Variants in GLIS3 observed in about 807,000 individuals in gnomAD.
GLIS3 encodes the protein zinc finger protein GLIS3.
A neutral mutation model predicts 78.6 loss-of-function variants in GLIS3; 53 were observed. The observed-to-expected ratio is 0.67, with a 90% CI of 0.54 to 0.85. The LOEUF is 0.85. GLIS3 is among the 40% of genes least tolerant of loss of function. The pLI is 0.00. For synonymous variants in GLIS3, 684 were observed against 509.9 expected, an observed-to-expected ratio of 1.34 and a Z score of -4.60; for missense variants, 1,703 against 1,231.1, an observed-to-expected ratio of 1.38 and a Z score of -5.74.
At chr9:4,133,825 TACACACACACACACACACACACAC>T (rs138728219) in intron 2 of GLIS3, among the ~76,000 whole-genome samples, 18 of 121,736 alleles carry the variant, frequency 1.5e-4, no homozygotes, top group Admixed American at 6.6e-4. Context: ...CAAGACCTTC[TACACACACACACACACACACACAC>T]ACACACACAC....
intron 2 of GLIS3, among the ~76,000 whole-genome samples, chr9:4,162,978 A>G (rs576239197): frequency 2.0e-5 from 3 of 151,774 alleles, no homozygotes; most frequent in Non-Finnish European, 4.4e-5. Context: ...CTCTGGACCC[A>G]GCTCCCTAAG....
the GLIS3 span, among the ~76,000 whole-genome samples, chr9:4,424,210 A>G: frequency 6.6e-6 from 1 of 152,182 alleles, no homozygotes; most frequent in Admixed American, 6.5e-5. Context: ...TGGACTTAAA[A>G]TCAGTTGATG....
At chr9:4,020,288 G>GTTTGTTTTGTTTTT (rs1385183671) in intron 4 of GLIS3, among the ~76,000 whole-genome samples, 1 of 152,088 alleles carries the variant, frequency 6.6e-6, no homozygotes, top group Non-Finnish European at 1.5e-5. Context: ...GGAAAGTTCT[G>GTTTGTTTTGTTTTT]TTTGTTTTGT....
chr9:4,341,111 G>C (rs1817828250), intron 2 of GLIS3, among the ~76,000 whole-genome samples: 1 of 152,198 alleles, frequency 6.6e-6, no homozygotes. Flanking sequence ...GGTATGCTTA[G>C]AACTTATGTG....
chr9:4,464,033 A>C, the GLIS3 span, among the ~76,000 whole-genome samples: 1 of 152,224 alleles, frequency 6.6e-6, no homozygotes, highest in Non-Finnish European at 1.5e-5. Flanking sequence ...GTGGGTCCTA[A>C]AGTGTAGAAC....
the GLIS3 span, among the ~76,000 whole-genome samples, chr9:4,464,919 A>G: frequency 6.6e-6 from 1 of 152,234 alleles, no homozygotes; most frequent in African/African-American, 2.4e-5. Context: ...AAATGGTATT[A>G]AGATAAAACA....
At chr9:4,485,272 C>T in the GLIS3 span, among the ~76,000 whole-genome samples, 2 of 152,130 alleles carry the variant, frequency 1.3e-5, no homozygotes, top group Non-Finnish European at 2.9e-5. Flanking sequence ...TCCTCGGCCT[C>T]CCAAAGTGCT....
At chr9:4,150,356 A>T (rs1436951926) in intron 2 of GLIS3, among the ~76,000 whole-genome samples, 1 of 152,164 alleles carries the variant, frequency 6.6e-6, no homozygotes, top group South Asian at 2.1e-4. Flanking sequence ...CATAAGGAGG[A>T]GGAAAACGTA....
chr9:4,439,122 C>T, the GLIS3 span, among the ~76,000 whole-genome samples: 1 of 152,154 alleles, frequency 6.6e-6, no homozygotes, highest in Non-Finnish European at 1.5e-5. Context: ...TCTCTCTGTG[C>T]TGCATGCTGA....
chr9:4,474,332 C>A, the GLIS3 span, among the ~76,000 whole-genome samples: 33 of 152,144 alleles, frequency 2.2e-4, no homozygotes, highest in East Asian at 5.0e-3. Flanking sequence ...ATGGTGAAAC[C>A]CCATCTCTAC....
intron 1 of GLIS3, among the ~76,000 whole-genome samples, chr9:4,299,034 C>G (rs1563920261): frequency 6.6e-6 from 1 of 152,164 alleles, no homozygotes; most frequent in Non-Finnish European, 1.5e-5. Flanking sequence ...GCGCCCCATG[C>G]CCGTGCGTCC....
intron 6 of GLIS3, among the ~76,000 whole-genome samples, chr9:3,922,070 T>G (rs139279056): frequency 6.6e-6 from 1 of 152,222 alleles, no homozygotes. Flanking sequence ...AGGAATTTAT[T>G]TGAAGCACTT....
At chr9:3,996,397 T>C (rs561272811) in intron 4 of GLIS3, among the ~76,000 whole-genome samples, 4 of 152,226 alleles carry the variant, frequency 2.6e-5, no homozygotes, top group South Asian at 2.1e-4. Flanking sequence ...GAGATCAAAA[T>C]AGATAGATAG....
intron 4 of GLIS3, among the ~76,000 whole-genome samples, chr9:4,065,903 A>G (rs1360536051): frequency 1.3e-5 from 2 of 152,204 alleles, no homozygotes; most frequent in East Asian, 3.8e-4. Context: ...AATTTTAAAT[A>G]TAAGATTAAA....
chr9:4,109,419 C>A (rs1473314519), intron 4 of GLIS3, among the ~76,000 whole-genome samples: 2 of 152,178 alleles, frequency 1.3e-5, no homozygotes, highest in Non-Finnish European at 2.9e-5. Context: ...TTAAAGTCTG[C>A]AACAGAAAAT....
chr9:4,223,884 T>C (rs1821537119), intron 2 of GLIS3, among the ~76,000 whole-genome samples: 1 of 152,024 alleles, frequency 6.6e-6, no homozygotes, highest in Admixed American at 6.6e-5. Context: ...TGTTCTCTAA[T>C]AAATTTCTGA....
At chr9:3,927,313 C>A (rs938694824) in intron 6 of GLIS3, among the ~76,000 whole-genome samples, 1 of 152,154 alleles carries the variant, frequency 6.6e-6, no homozygotes, top group Non-Finnish European at 1.5e-5. Flanking sequence ...TGGAGAAAAA[C>A]AAAGATGGTT....
At chr9:4,258,760 G>T (rs1328661918) in intron 2 of GLIS3, among the ~76,000 whole-genome samples, 1 of 151,976 alleles carries the variant, frequency 6.6e-6, no homozygotes, top group African/African-American at 2.4e-5. Context: ...TAGCTACATG[G>T]GTCAATGTAA....
intron 2 of GLIS3, among the ~76,000 whole-genome samples, chr9:4,281,438 C>CA (rs1827540605): frequency 6.6e-6 from 1 of 152,194 alleles, no homozygotes. Context: ...ACTAACTCCT[C>CA]ATGCCCCCTT....
Sources: allele counts gnomAD v4.1 joint callset (sites outside exome capture counted in the v4.1 genomes callset), GRCh38; gene constraint gnomAD v4.1.1; transcripts MANE v1.5; gene names NCBI Gene and HGNC (gene_info 2026-07-23, HGNC 2026-07-21).